Variants in TRPC4AP observed in about 807,000 individuals in gnomAD.
TRPC4AP encodes the protein transient receptor potential cation channel subfamily C member 4 associated protein.
Under a neutral mutation model 99.0 loss-of-function variants are expected in TRPC4AP, and 45 were observed. That is an observed-to-expected ratio of 0.45 (90% confidence interval 0.36 to 0.58). The LOEUF is 0.58. TRPC4AP is among the 20% of genes least tolerant of loss of function. The pLI is 0.00. For missense variants in TRPC4AP, 879 were observed against 985.3 expected, an observed-to-expected ratio of 0.89 and a Z score of 1.44; for synonymous variants, 408 against 385.8, an observed-to-expected ratio of 1.06 and a Z score of -0.67.
At chr20:35,018,604 G>GAAAAAAAAAAAAAAAAAAAAAA (rs11479211) in intron 9 of TRPC4AP, among the ~76,000 whole-genome samples, 1 of 88,948 alleles carries the variant, frequency 1.1e-5, no homozygotes, top group Non-Finnish European at 2.1e-5. Flanking sequence ...CTCAAAAAAA[G>GAAAAAAAAAAAAAAAAAAAAAA]AAAAAAAAAA....
intron 7 of TRPC4AP, among the ~76,000 whole-genome samples, chr20:35,038,384 C>T (rs1277377569): frequency 6.6e-6 from 1 of 151,590 alleles, no homozygotes; most frequent in Non-Finnish European, 1.5e-5. Context: ...CAAGTAATTT[C>T]TTTGGAGGGT....
chr20:35,027,625 T>G (rs1039580536), intron 8 of TRPC4AP, among the ~76,000 whole-genome samples: 3 of 152,232 alleles, frequency 2.0e-5, no homozygotes, highest in African/African-American at 7.2e-5. Flanking sequence ...TTTGGTAGAA[T>G]TAACCAGTGA....
At chr20:35,086,575 G>GTGTGTGTA (rs1555919531) in intron 1 of TRPC4AP, among the ~76,000 whole-genome samples, 8 of 89,788 alleles carry the variant, frequency 8.9e-5, no homozygotes, top group African/African-American at 3.1e-4. Flanking sequence ...GTGTGTGTGT[G>GTGTGTGTA]TATATATATA....
At chr20:35,059,629 G>C (rs1198637632) in intron 3 of TRPC4AP, among the ~76,000 whole-genome samples, 2 of 151,914 alleles carry the variant, frequency 1.3e-5, no homozygotes, top group Non-Finnish European at 2.9e-5. Flanking sequence ...ATACACTCCA[G>C]CCTGGATGGC....
chr20:35,077,288 G>C (rs2084506836), intron 2 of TRPC4AP, among the ~76,000 whole-genome samples: 1 of 152,190 alleles, frequency 6.6e-6, no homozygotes, highest in Non-Finnish European at 1.5e-5. Flanking sequence ...GCCCCAGTGA[G>C]ATGAACCCGG....
chr20:35,017,223 G>A lies in TRPC4AP; in HGVS notation c.1219-1084C>T, dbSNP rs149221907. On this transcript the variant is annotated intron_variant, in intron 9 of 18. Transcript: ENST00000252015. ...ATATGTCGTGAACTGAACAATTGCC[G>A]AGAGATAATACTGGGAAAGCAAGTG... Among the ~76,000 whole-genome samples, 280 of 152,248 alleles carry A rather than the reference G, an allele frequency of 1.8e-3. 1 individual carries two copies. Among genetic ancestry groups the A allele is most frequent in the Middle Eastern group, 3.4e-3 (1 of 294 alleles).
intron 7 of TRPC4AP, 105 bp downstream of exon 7, chr20:35,044,400 G>GAAAAAA (rs11483863): frequency 2.6e-5 from 23 of 880,838 alleles, no homozygotes; most frequent in African/African-American, 6.3e-5. Flanking sequence ...CTCAAAAAAG[G>GAAAAAA]AAAAAAAAAA....
At chr20:35,031,390 CTTTTTTTTTTT>C (rs71299218) in intron 8 of TRPC4AP, among the ~76,000 whole-genome samples, 15 of 73,658 alleles carry the variant, frequency 2.0e-4, no homozygotes, top group South Asian at 1.4e-3. Flanking sequence ...CCCTGGTTAA[CTTTTTTTTTTT>C]TTTTTTTTTT....
In TRPC4AP at chr20:35,058,997, T is replaced by C. The variant is rs534116589; in HGVS notation, c.415-1426A>G. 2.6e-5 allele frequency among the ~76,000 whole-genome samples: 4 copies of C among 152,032 alleles called. No homozygotes were observed. The East Asian group carries it at 7.7e-4, about 29-fold the overall frequency. On this transcript the variant is annotated intron_variant, in intron 3 of 18. Transcript: ENST00000252015. ...AGCCACCGCACCCGGCCAAAGAAAA[T>C]TGTTTCTAATCGATAACCTAATCTT...
At chr20:35,072,072 A>G (rs533608727) in intron 2 of TRPC4AP, among the ~76,000 whole-genome samples, 6 of 152,334 alleles carry the variant, frequency 3.9e-5, no homozygotes, top group Admixed American at 3.3e-4. Context: ...TGTTGGCTGC[A>G]TAAACGTCTT....
At chr20:35,006,255 C>A (rs2147263755) in intron 15 of TRPC4AP, among the ~76,000 whole-genome samples, 180 bp downstream of exon 15, 1 of 152,208 alleles carries the variant, frequency 6.6e-6, no homozygotes, top group South Asian at 2.1e-4. Context: ...TTCATCCCTG[C>A]ATTCCCAGGG....
chr20:35,089,770 C>A (rs2084992298), intron 1 of TRPC4AP, among the ~76,000 whole-genome samples: 1 of 151,856 alleles, frequency 6.6e-6, no homozygotes, highest in South Asian at 2.1e-4. Context: ...TGCTTGAATC[C>A]GGGAGACGGA....
intron 2 of TRPC4AP, among the ~76,000 whole-genome samples, chr20:35,076,304 T>A (rs553136540): frequency 0.013 from 1,940 of 152,334 alleles, 31 homozygotes; most frequent in African/African-American, 0.044. Flanking sequence ...CCGTTGCTGG[T>A]GAGGAGCTGT....
chr20:35,059,636 T>G (rs113700195), intron 3 of TRPC4AP, among the ~76,000 whole-genome samples: 2 of 151,394 alleles, frequency 1.3e-5, no homozygotes, highest in Non-Finnish European at 2.9e-5. Flanking sequence ...CCAGCCTGGA[T>G]GGCAGGGTGA....
chr20:35,031,218 TTTC>T (rs909026910), intron 8 of TRPC4AP, among the ~76,000 whole-genome samples: 2 of 151,844 alleles, frequency 1.3e-5, no homozygotes, highest in South Asian at 4.2e-4. Context: ...CTTTCAAGAT[TTTC>T]TTATCTTTCA....
intron 9 of TRPC4AP, among the ~76,000 whole-genome samples, chr20:35,016,383 C>T (rs1275430372): frequency 6.6e-6 from 1 of 152,178 alleles, no homozygotes; most frequent in Non-Finnish European, 1.5e-5. Context: ...TAGTTCCTAT[C>T]ACAGAAGCAT....
intron 2 of TRPC4AP, among the ~76,000 whole-genome samples, chr20:35,069,748 C>T (rs1317943208): frequency 6.6e-6 from 1 of 152,146 alleles, no homozygotes; most frequent in Non-Finnish European, 1.5e-5. Context: ...TGAGACCAGC[C>T]TGGCCAACAT....
At chr20:35,064,369 G>A (rs1466977710) in intron 3 of TRPC4AP, among the ~76,000 whole-genome samples, 1 of 152,190 alleles carries the variant, frequency 6.6e-6, no homozygotes, top group East Asian at 1.9e-4. Flanking sequence ...AGACTAGACA[G>A]TTCAGCTTGA....
chr20:35,009,921 G>C (rs2082594838), intron 12 of TRPC4AP, among the ~76,000 whole-genome samples: 1 of 152,254 alleles, frequency 6.6e-6, no homozygotes, highest in African/African-American at 2.4e-5. Flanking sequence ...GAGCACACAT[G>C]ACTTCTGGCA....
Sources: allele counts gnomAD v4.1 joint callset (sites outside exome capture counted in the v4.1 genomes callset), GRCh38; gene constraint gnomAD v4.1.1; transcripts MANE v1.5; gene names NCBI Gene and HGNC (gene_info 2026-07-23, HGNC 2026-07-21).